The following PRIM2 variants were observed in gnomAD, a reference collection of about 807,000 sequenced individuals.
PRIM2 encodes DNA primase large subunit.
Under a neutral mutation model 67.3 loss-of-function variants are expected in PRIM2, and 39 were observed. The observed-to-expected ratio is 0.58, with a 90% CI of 0.45 to 0.76. PRIM2 has a LOEUF of 0.76. PRIM2 is among the 30% of genes least tolerant of loss of function. The pLI is 0.00. For synonymous variants in PRIM2, 143 were observed against 198.7 expected, an observed-to-expected ratio of 0.72 and a Z score of 2.36; for missense variants, 398 against 598.7, an observed-to-expected ratio of 0.66 and a Z score of 3.50.
intron 9 of PRIM2, among the ~76,000 whole-genome samples, chr6:57,533,012 G>A (rs1400877914): frequency 5.7e-4 from 87 of 152,100 alleles, no homozygotes; most frequent in African/African-American, 2.0e-3. Flanking sequence ...TAAGGACACT[G>A]AGTATGTGAG....
intron 10 of PRIM2, among the ~76,000 whole-genome samples, chr6:57,594,471 G>A (rs2127489508): frequency 6.6e-6 from 1 of 152,250 alleles, no homozygotes; most frequent in African/African-American, 2.4e-5. Context: ...AGATCAGTGG[G>A]GTCCAGTTGG....
the PRIM2 span, among the ~76,000 whole-genome samples, chr6:57,281,031 A>G: frequency 6.6e-6 from 1 of 152,194 alleles, no homozygotes; most frequent in Non-Finnish European, 1.5e-5. Context: ...ATGAGTGAGA[A>G]CATGAAATAT....
intron 10 of PRIM2, among the ~76,000 whole-genome samples, chr6:57,571,385 C>T (rs1775859713): frequency 2.0e-5 from 3 of 152,122 alleles, no homozygotes; most frequent in African/African-American, 4.8e-5. Context: ...CATGGTGGCT[C>T]ATGCTTATAA....
chr6:57,564,635 C>T (rs1393293494), intron 10 of PRIM2, among the ~76,000 whole-genome samples: 3 of 151,976 alleles, frequency 2.0e-5, no homozygotes, highest in East Asian at 3.9e-4. Context: ...CACTTTAGGG[C>T]AAAACTTATG....
intron 7 of PRIM2, among the ~76,000 whole-genome samples, chr6:57,466,438 A>C (rs1169136767): frequency 4.4e-4 from 67 of 152,308 alleles, no homozygotes; most frequent in Non-Finnish European, 7.8e-4. Context: ...ACTCCCACAA[A>C]CAGTGTAAAA....
chr6:57,367,428 G>A (rs972034041), intron 5 of PRIM2, among the ~76,000 whole-genome samples: 50 of 152,058 alleles, frequency 3.3e-4, no homozygotes, highest in Middle Eastern at 3.2e-3. Context: ...ACTTATTTTA[G>A]GTTGATAAAT....
intron 7 of PRIM2, among the ~76,000 whole-genome samples, chr6:57,418,391 T>G (rs1361534000): frequency 0.055 from 5,231 of 94,338 alleles, 466 homozygotes; most frequent in Non-Finnish European, 0.077. Context: ...TGGTTTTTTT[T>G]TTTTTTTTTT....
rs1335748333 is a variant in PRIM2 at position 57,627,203 on chromosome 6, C to G, written c.1231-4930C>G. Among the ~76,000 whole-genome samples the G allele has an allele frequency of 1.4e-3, 179 of 128,580 alleles. 3 individuals carry two copies. In the East Asian group the frequency reaches 0.022, roughly 16 times the overall value. The allele number at this position is 128,580 out of a possible 152,430, so 84.4% of individuals were successfully genotyped here. A position where few individuals can be genotyped will look rare whatever the true frequency, so the allele number is the denominator to read the frequency against. Reference sequence around the variant, plus strand: ...GCTGAGGCAGGAGAATCACTTGAACCCGGGAGGTGGAGGTTGTAGTGAGCC... The same window carrying G: ...GCTGAGGCAGGAGAATCACTTGAACGCGGGAGGTGGAGGTTGTAGTGAGCC... On this transcript the variant is annotated intron_variant, in intron 12 of 13. Transcript: ENST00000615550.
intron 12 of PRIM2, among the ~76,000 whole-genome samples, chr6:57,626,240 G>C (rs1379039055): frequency 6.6e-6 from 1 of 152,218 alleles, no homozygotes; most frequent in Non-Finnish European, 1.5e-5. Flanking sequence ...AAGAGAGAGA[G>C]GAATTTGCAG....
At chr6:57,435,584 G>T (rs1581901689) in intron 7 of PRIM2, among the ~76,000 whole-genome samples, 1 of 152,208 alleles carries the variant, frequency 6.6e-6, no homozygotes, top group Non-Finnish European at 1.5e-5. Flanking sequence ...CTAAGATCCT[G>T]TTGAAGGGAC....
At chr6:57,299,594 G>C in the PRIM2 span, among the ~76,000 whole-genome samples, 4 of 152,058 alleles carry the variant, frequency 2.6e-5, no homozygotes, top group Non-Finnish European at 5.9e-5. Flanking sequence ...ACAATTTTTT[G>C]TTAAATGAAT....
chr6:57,298,634 C>T, the PRIM2 span, among the ~76,000 whole-genome samples: 7 of 152,062 alleles, frequency 4.6e-5, no homozygotes, highest in Non-Finnish European at 8.8e-5. Flanking sequence ...GTGGATTCCC[C>T]TTCATTCCCC....
intron 5 of PRIM2, among the ~76,000 whole-genome samples, chr6:57,339,987 A>G (rs1426120782): frequency 1.3e-5 from 2 of 151,914 alleles, no homozygotes; most frequent in African/African-American, 2.4e-5. Flanking sequence ...CAGAATCTAC[A>G]ATGAACTCAA....
Position 57,370,438 on chromosome 6 carries a change from A to G in PRIM2, c.460-9463A>G, listed in dbSNP as rs529798239. On this transcript the variant is annotated intron_variant, in intron 5 of 13. Transcript: ENST00000615550. ...GTAAAGTTTCTGACAGTCATCCTAC[A>G]TTTTTCAATGAGAATTGTCTTGTAT... 5.9e-5 allele frequency among the ~76,000 whole-genome samples: 9 copies of G among 152,294 alleles called. No homozygotes were observed. In the South Asian group the frequency reaches 1.7e-3, roughly 28 times the overall value.
At chr6:57,411,853 A>T (rs1771099405) in intron 7 of PRIM2, among the ~76,000 whole-genome samples, 1 of 151,632 alleles carries the variant, frequency 6.6e-6, no homozygotes, top group African/African-American at 2.4e-5. Context: ...ATTCCTTCTT[A>T]AGTATGCAAT....
intron 11 of PRIM2, 90 bp from the exon 12 acceptor site, chr6:57,606,285 G>A (rs1776560707): frequency 1.1e-6 from 1 of 945,412 alleles, no homozygotes; most frequent in African/African-American, 1.6e-5. Context: ...AGACAATTAA[G>A]GGGAGCTTAG....
chr6:57,432,018 A>T (rs1771847075), intron 7 of PRIM2, among the ~76,000 whole-genome samples: 2 of 152,214 alleles, frequency 1.3e-5, no homozygotes, highest in Non-Finnish European at 2.9e-5. Flanking sequence ...GATATTAAAA[A>T]CATTAATTTT....
the PRIM2 span, among the ~76,000 whole-genome samples, chr6:57,301,181 T>C: frequency 6.6e-5 from 10 of 152,274 alleles, no homozygotes; most frequent in African/African-American, 2.4e-4. Flanking sequence ...TAGTCAAGTA[T>C]GGTAGTCTTA....
At chr6:57,485,378 C>T (rs1207439808) in intron 7 of PRIM2, among the ~76,000 whole-genome samples, 3 of 152,058 alleles carry the variant, frequency 2.0e-5, no homozygotes, top group Non-Finnish European at 4.4e-5. Flanking sequence ...TGCTGTTTTC[C>T]CCTCTTTGGG....
Sources: allele counts gnomAD v4.1 joint callset (sites outside exome capture counted in the v4.1 genomes callset), GRCh38; gene constraint gnomAD v4.1.1; transcripts MANE v1.5; gene names NCBI Gene and HGNC (gene_info 2026-07-23, HGNC 2026-07-21).